DYM: variants seen among roughly 807,000 people sequenced by gnomAD.
DYM encodes the protein dymeclin, also known as dyggve-Melchior-Clausen syndrome protein.
DYM carries 78 observed loss-of-function variants against 93.1 expected under a neutral mutation model. The observed-to-expected ratio is 0.84, with a 90% CI of 0.70 to 1.01. DYM has a LOEUF of 1.01. Ranked by LOEUF, DYM falls within the 50% of genes least tolerant of loss-of-function variation. The pLI is 0.00. For missense variants in DYM, 789 were observed against 845.0 expected (o/e 0.93, Z 0.82); for synonymous variants, 321 against 319.7 (o/e 1.00, Z -0.04).
At chr18:49,389,546 G>A (rs1488979758) in intron 3 of DYM, among the ~76,000 whole-genome samples, 2 of 152,070 alleles carry the variant, frequency 1.3e-5, no homozygotes, top group Non-Finnish European at 2.9e-5. Flanking sequence ...GTCCAGACTG[G>A]AGTCCAGTGG....
At chr18:49,385,380 C>T (rs557202297) in intron 3 of DYM, among the ~76,000 whole-genome samples, 1 of 152,278 alleles carries the variant, frequency 6.6e-6, no homozygotes, top group East Asian at 1.9e-4. Flanking sequence ...CAATGGACGT[C>T]TTATTTACTG....
intron 6 of DYM, among the ~76,000 whole-genome samples, chr18:49,358,100 T>A (rs959094757): frequency 6.6e-6 from 1 of 152,120 alleles, no homozygotes; most frequent in Non-Finnish European, 1.5e-5. Context: ...TACTGAGCCA[T>A]GATTGTGCCA....
chr18:49,193,152 A>AC (rs2091135372), intron 14 of DYM, among the ~76,000 whole-genome samples: 1 of 152,082 alleles, frequency 6.6e-6, no homozygotes, highest in Non-Finnish European at 1.5e-5. Flanking sequence ...ACCACTTTGC[A>AC]CCCCATAAAT....
At chr18:49,139,613 G>C (rs1438486468) in intron 15 of DYM, among the ~76,000 whole-genome samples, 1 of 152,136 alleles carries the variant, frequency 6.6e-6, no homozygotes, top group Non-Finnish European at 1.5e-5. Flanking sequence ...TCAAATTTAC[G>C]ATACTGCTTT....
chr18:49,097,618 A>C lies in DYM; in HGVS notation c.1912-103T>G, dbSNP rs192550532. On this transcript the variant is annotated intron_variant, in intron 16 of 17. Coordinates refer to ENST00000675505, the MANE Select transcript of DYM (RefSeq NM_001353214.3). ...GTCAAACTATCATGATTCCATTCCT[A>C]CAGTGACCCGGCTTTTAATTCACTA... The C allele has an allele frequency of 9.7e-6, 10 of 1,030,660 alleles. No individual in the cohort carries two copies. In the South Asian group the frequency reaches 1.4e-4, roughly 14 times the overall value. 63.8% of individuals were successfully genotyped at this position (1,030,660 alleles called of 1,614,324 possible). A position where few individuals can be genotyped will look rare whatever the true frequency, so the allele number is the denominator to read the frequency against.
intron 16 of DYM, among the ~76,000 whole-genome samples, chr18:49,101,305 G>A (rs917816955): frequency 7.2e-5 from 11 of 152,122 alleles, no homozygotes; most frequent in South Asian, 2.1e-4. Flanking sequence ...TTTCCAAAGC[G>A]CATGTTTTAC....
intron 15 of DYM, among the ~76,000 whole-genome samples, chr18:49,148,989 C>A (rs1311659880): frequency 6.6e-6 from 1 of 152,016 alleles, no homozygotes; most frequent in African/African-American, 2.4e-5. Context: ...TACAACTTAC[C>A]ATGATGTAGA....
At chr18:49,366,944 A>T (rs1474163186) in intron 5 of DYM, among the ~76,000 whole-genome samples, 1 of 152,160 alleles carries the variant, frequency 6.6e-6, no homozygotes, top group Non-Finnish European at 1.5e-5. Context: ...ACTCAAATCT[A>T]TACTCTCAAG....
At chr18:49,191,971 A>AT (rs1348804851) in intron 14 of DYM, among the ~76,000 whole-genome samples, 1 of 151,938 alleles carries the variant, frequency 6.6e-6, no homozygotes, top group Admixed American at 6.6e-5. Context: ...GGGTCTCACT[A>AT]TGTCACCCAG....
At chr18:49,100,746 C>G (rs1165558069) in intron 16 of DYM, among the ~76,000 whole-genome samples, 1 of 152,160 alleles carries the variant, frequency 6.6e-6, no homozygotes, top group East Asian at 1.9e-4. Flanking sequence ...ATTCTCATGA[C>G]AATCCCATGA....
chr18:49,328,991 T>A (rs1388447236), intron 8 of DYM, among the ~76,000 whole-genome samples: 1 of 152,140 alleles, frequency 6.6e-6, no homozygotes, highest in Non-Finnish European at 1.5e-5. Context: ...CACATATGTT[T>A]ATTGTGGCAA....
chr18:49,130,757 A>G (rs960113781), intron 15 of DYM, among the ~76,000 whole-genome samples: 4 of 152,146 alleles, frequency 2.6e-5, no homozygotes, highest in Admixed American at 6.5e-5. Context: ...TGGAGTGGGG[A>G]TCCAGACATG....
In DYM at chr18:49,237,672, T is replaced by C. The variant is rs1277337970; in HGVS notation, c.1460+19338A>G. ...GATCACTGCCCCTTTGGTGCTTACATGGTAAGAGATGAGAGGAAAAACATA... is the reference window on the plus strand; with the variant it reads ...GATCACTGCCCCTTTGGTGCTTACACGGTAAGAGATGAGAGGAAAAACATA... On this transcript the variant is annotated intron_variant, in intron 13 of 17. Transcript: ENST00000675505. Among the ~76,000 whole-genome samples the C allele has an allele frequency of 2.6e-5, 4 of 152,326 alleles. No homozygotes were observed. In the East Asian group the frequency reaches 5.8e-4, roughly 22 times the overall value.
At chr18:49,213,802 C>G (rs1568025435) in intron 13 of DYM, among the ~76,000 whole-genome samples, 1 of 151,660 alleles carries the variant, frequency 6.6e-6, no homozygotes, top group Non-Finnish European at 1.5e-5. Flanking sequence ...TAAAAAATAC[C>G]AAGAAATTAA....
chr18:49,288,838 T>C, intron 8 of DYM, among the ~76,000 whole-genome samples: 1 of 152,064 alleles, frequency 6.6e-6, no homozygotes, highest in Middle Eastern at 3.4e-3. Flanking sequence ...TAAGTAAATC[T>C]AAAATTCAGT....
At chr18:49,184,351 A>G (rs1483294950) in intron 14 of DYM, among the ~76,000 whole-genome samples, 2 of 152,052 alleles carry the variant, frequency 1.3e-5, no homozygotes, top group Admixed American at 6.5e-5. Flanking sequence ...CCCAACTAAG[A>G]TTAGACATTC....
chr18:49,286,184 C>T (rs111421306), intron 9 of DYM, among the ~76,000 whole-genome samples: 3 of 151,904 alleles, frequency 2.0e-5, no homozygotes, highest in Admixed American at 2.0e-4. Context: ...ACAGACTGAC[C>T]CAAATTAAAC....
chr18:49,369,561 C>G (rs1424258815), intron 5 of DYM, among the ~76,000 whole-genome samples: 1 of 152,158 alleles, frequency 6.6e-6, no homozygotes, highest in African/African-American at 2.4e-5. Context: ...TGAAGCTCAT[C>G]ATTACTCCAT....
chr18:49,390,353 C>T (rs76958035), intron 3 of DYM, among the ~76,000 whole-genome samples: 13,870 of 151,962 alleles, frequency 0.091, 855 homozygotes, highest in East Asian at 0.31. Flanking sequence ...TCACTGAAGC[C>T]CAGGAGATCA....
Sources: gnomAD v4.1 joint callset for allele counts (sites outside exome capture counted in the v4.1 genomes callset) on GRCh38, gnomAD v4.1.1 for gene constraint, MANE v1.5 for transcripts, NCBI Gene and HGNC (gene_info 2026-07-23, HGNC 2026-07-21) for gene names.